The following SSPN variants were observed in gnomAD, a reference collection of about 807,000 sequenced individuals.
SSPN encodes the protein sarcospan.
SSPN carries 15 observed loss-of-function variants against 19.1 expected under a neutral mutation model. That is an observed-to-expected ratio of 0.78 (90% CI 0.52 to 1.21). The LOEUF is 1.21. Ranked by LOEUF, SSPN falls within the 50% of genes most tolerant of loss-of-function variation. SSPN has a pLI of 0.00. For missense variants in SSPN, 291 were observed against 314.0 expected (o/e 0.93, Z 0.55); for synonymous variants, 147 against 140.3 (o/e 1.05, Z -0.34).
At chr12:26,169,400 G>A (rs1370143597) in intron 1 of SSPN, among the ~76,000 whole-genome samples, 1 of 152,082 alleles carries the variant, frequency 6.6e-6, no homozygotes, top group African/African-American at 2.4e-5. Context: ...TTTGCCTTGA[G>A]AAGATTTAGG....
At chr12:26,152,114 C>T (rs553178488) in intron 1 of SSPN, among the ~76,000 whole-genome samples, 1 of 152,144 alleles carries the variant, frequency 6.6e-6, no homozygotes, top group Non-Finnish European at 1.5e-5. Flanking sequence ...TCATTCTAGG[C>T]AATCAACAAA....
At chr12:26,123,571 G>A in intron 1 of SSPN, 1 of 1,195,304 alleles carries the variant, frequency 8.4e-7, no homozygotes, top group South Asian at 1.2e-5. Flanking sequence ...TCCTGACACT[G>A]CTCCCCTGTG....
chr12:26,218,324 G>A (rs1945079789), intron 1 of SSPN, among the ~76,000 whole-genome samples: 1 of 7,938 alleles, frequency 1.3e-4, no homozygotes, highest in African/African-American at 9.0e-4. Flanking sequence ...TTGTGGGGTG[G>A]GGGGAGGGGG....
chr12:26,226,423 CATG>C (rs1258898287), intron 2 of SSPN, among the ~76,000 whole-genome samples: 1 of 152,146 alleles, frequency 6.6e-6, no homozygotes, highest in East Asian at 1.9e-4. Context: ...GCAAACGGGC[CATG>C]ATGACAGTCT....
At chr12:26,218,381 T>C (rs375319365) in intron 1 of SSPN, among the ~76,000 whole-genome samples, 12,594 of 70,480 alleles carry the variant, frequency 0.18, 1,286 homozygotes, top group East Asian at 0.37. Flanking sequence ...GAGATATACC[T>C]AATGCTAGAT....
At chr12:26,160,222 G>T (rs566478826) in intron 1 of SSPN, among the ~76,000 whole-genome samples, 2 of 152,190 alleles carry the variant, frequency 1.3e-5, no homozygotes, top group Non-Finnish European at 2.9e-5. Flanking sequence ...ATAACATAGG[G>T]TGACTCTGTC....
chr12:26,177,793 C>T (rs1008342207), intron 1 of SSPN, among the ~76,000 whole-genome samples: 15 of 152,254 alleles, frequency 9.9e-5, no homozygotes, highest in South Asian at 4.1e-4. Flanking sequence ...TCTTCTGTGC[C>T]GGCTGGCTCT....
chr12:26,122,634 C>T (rs745541908), intron 1 of SSPN: 50 of 1,278,144 alleles, frequency 3.9e-5, no homozygotes, highest in Non-Finnish European at 4.6e-5. Context: ...CGCGCCGCCC[C>T]CCGGGCCGCC....
intron 2 of SSPN, 55 bp downstream of exon 2, chr12:26,224,434 C>T (rs1481997471): frequency 1.4e-6 from 2 of 1,446,554 alleles, no homozygotes. Context: ...AATCCAAGTA[C>T]AAAATAAAGG....
At chr12:26,152,480 C>A (rs959664052) in intron 1 of SSPN, among the ~76,000 whole-genome samples, 4 of 152,234 alleles carry the variant, frequency 2.6e-5, no homozygotes, top group East Asian at 1.9e-4. Flanking sequence ...TAAGAACTGG[C>A]TCTTAGAAGT....
At chr12:26,176,019 T>C (rs889602997) in intron 1 of SSPN, among the ~76,000 whole-genome samples, 4 of 152,160 alleles carry the variant, frequency 2.6e-5, no homozygotes, top group African/African-American at 9.7e-5. Context: ...GTAATTTTAG[T>C]AGAGACGGGG....
chr12:26,138,780 G>A (rs11048416), intron 1 of SSPN, among the ~76,000 whole-genome samples: 1,759 of 151,578 alleles, frequency 0.012, 30 homozygotes, highest in African/African-American at 0.039. Flanking sequence ...CTCAGAATCC[G>A]TGTGGGAAGA....
chr12:26,137,349 T>C (rs1565669320), intron 1 of SSPN, among the ~76,000 whole-genome samples: 1 of 152,114 alleles, frequency 6.6e-6, no homozygotes, highest in Admixed American at 6.5e-5. Flanking sequence ...TTTACCTCCA[T>C]GATTTTTGTT....
In SSPN at chr12:26,150,841, A is replaced by G. The variant is rs540887703; in HGVS notation, c.-31+28689A>G. Among the ~76,000 whole-genome samples, 10 of 152,252 alleles carry G rather than the reference A, an allele frequency of 6.6e-5. No homozygotes were observed. In the East Asian group the frequency reaches 1.9e-3, roughly 29 times the overall value. On this transcript the variant is annotated intron_variant, in intron 1 of 2. Transcript: ENST00000538142. ...TGGGATTTGTGATGTATTCTGCAGG[A>G]GGATAATTTTGCCTCTGGGAAAGTC...
chr12:26,157,552 A>G (rs940818517), intron 1 of SSPN, among the ~76,000 whole-genome samples: 1 of 152,172 alleles, frequency 6.6e-6, no homozygotes, highest in Non-Finnish European at 1.5e-5. Context: ...GGATGTTCAG[A>G]TGACTAAATT....
At chr12:26,141,904 T>C (rs1198406019) in intron 1 of SSPN, among the ~76,000 whole-genome samples, 2 of 152,150 alleles carry the variant, frequency 1.3e-5, no homozygotes, top group African/African-American at 2.4e-5. Flanking sequence ...ATGAAGGCTA[T>C]AAAAGGGACT....
chr12:26,158,505 C>A (rs931685538), intron 1 of SSPN, among the ~76,000 whole-genome samples: 1 of 152,250 alleles, frequency 6.6e-6, no homozygotes, highest in African/African-American at 2.4e-5. Flanking sequence ...TTGGTCATGG[C>A]ACCTCAGGCT....
intron 1 of SSPN, among the ~76,000 whole-genome samples, chr12:26,201,835 C>T (rs578004624): frequency 6.6e-6 from 1 of 152,166 alleles, no homozygotes; most frequent in South Asian, 2.1e-4. Flanking sequence ...CACTATATAT[C>T]CCCTGACACA....
At chr12:26,128,822 T>C (rs1944381184) in intron 1 of SSPN, among the ~76,000 whole-genome samples, 3 of 152,160 alleles carry the variant, frequency 2.0e-5, no homozygotes. Context: ...GCTGCTTCCA[T>C]TGCTTTTCTT....
Sources: gnomAD v4.1 joint callset for allele counts (sites outside exome capture counted in the v4.1 genomes callset) on GRCh38, gnomAD v4.1.1 for gene constraint, MANE v1.5 for transcripts, NCBI Gene and HGNC (gene_info 2026-07-23, HGNC 2026-07-21) for gene names.